The following UBAP1 variants were observed in gnomAD, a reference collection of about 807,000 sequenced individuals.
The protein encoded by UBAP1 is ubiquitin associated protein 1.
Under a neutral mutation model 39.0 loss-of-function variants are expected in UBAP1, and 5 were observed. That is an observed-to-expected ratio of 0.13 (90% CI 0.07 to 0.27). The LOEUF (loss-of-function observed/expected upper bound fraction) is 0.27. Among genes scored for constraint, UBAP1 ranks in the 10% least tolerant of loss-of-function variants. The probability of loss-of-function intolerance (pLI) is 1.00; values close to 1 mark genes in which losing one functional copy is unlikely to be tolerated. For synonymous variants in UBAP1, 211 were observed against 225.1 expected (o/e 0.94, Z 0.56); for missense variants, 490 against 608.1 (o/e 0.81, Z 2.04).
intron 2 of UBAP1, among the ~76,000 whole-genome samples, chr9:34,229,029 T>C (rs1833266767): frequency 6.6e-6 from 1 of 152,170 alleles, no homozygotes; most frequent in Admixed American, 6.6e-5. Context: ...TAAATCACCT[T>C]GGCATTGGCT....
intron 1 of UBAP1, among the ~76,000 whole-genome samples, chr9:34,199,804 T>G (rs2131531221): frequency 7.3e-6 from 1 of 136,562 alleles, no homozygotes; most frequent in South Asian, 2.3e-4. Context: ...CCTGGCTGAT[T>G]TTTTTTTTTT....
chr9:34,186,863 A>G (rs1009978145), intron 1 of UBAP1, among the ~76,000 whole-genome samples: 2 of 151,104 alleles, frequency 1.3e-5, no homozygotes, highest in African/African-American at 4.9e-5. Context: ...AATGAACTGA[A>G]TTTTTCAGTC....
At chr9:34,224,012 C>G in intron 2 of UBAP1, 1 of 485,630 alleles carries the variant, frequency 2.1e-6, no homozygotes, top group South Asian at 3.6e-5. Context: ...CTTGATTTTC[C>G]TAAGATAGAA....
intron 1 of UBAP1, among the ~76,000 whole-genome samples, chr9:34,214,784 A>G (rs1260801162): frequency 6.6e-6 from 1 of 152,090 alleles, no homozygotes; most frequent in African/African-American, 2.4e-5. Context: ...CCAACTCAGT[A>G]AGAAAAAAAC....
intron 3 of UBAP1, 24 bp from the exon 4 acceptor site, chr9:34,241,161 C>T: frequency 7.1e-7 from 1 of 1,413,422 alleles, no homozygotes; most frequent in Non-Finnish European, 9.3e-7. Flanking sequence ...GTTCACACCC[C>T]CTTCCTCTGC....
chr9:34,204,456 C>T (rs1245205024), intron 1 of UBAP1, among the ~76,000 whole-genome samples: 2 of 152,072 alleles, frequency 1.3e-5, no homozygotes, highest in Non-Finnish European at 2.9e-5. Flanking sequence ...TAAGTATACA[C>T]AGTCCACACC....
Position 34,242,059 on chromosome 9 carries a change from T to G in UBAP1, c.1034T>G (p.Val345Gly). ...LTSSQMPSLS[V>G]LSVCTEESSP... ...TCCTCCCAGATGCCTTCCCTCTCTG[T>G]TTTGTCTGTGTGCACAGAGGAATCA... is the stretch of plus-strand genomic sequence containing the variant. Residue 345 changes from valine to glycine, a missense_variant, in exon 4 of 7, where the codon GTT becomes GGT. Coordinates refer to ENST00000297661, the MANE Select transcript of UBAP1 (RefSeq NM_016525.5). 1 of 1,613,654 alleles carries G rather than the reference T, an allele frequency of 6.2e-7. No homozygotes were observed. The highest frequency in any genetic ancestry group is 8.5e-7 in the Non-Finnish European group (1 of 1,179,616).
intron 1 of UBAP1, among the ~76,000 whole-genome samples, chr9:34,182,648 TTTC>T (rs1329138001): frequency 9.7e-5 from 6 of 61,822 alleles, no homozygotes; most frequent in Middle Eastern, 7.1e-3. Flanking sequence ...TCTTTCTTTC[TTTC>T]TTTCTTTCTT....
At chr9:34,195,969 TAG>T (rs1831029298) in intron 1 of UBAP1, among the ~76,000 whole-genome samples, 1 of 112,284 alleles carries the variant, frequency 8.9e-6, no homozygotes, top group Non-Finnish European at 1.8e-5. Flanking sequence ...TTTTTTGAGA[TAG>T]AGTCTCACTA....
chr9:34,222,283 T>A (rs1439575144), intron 2 of UBAP1, among the ~76,000 whole-genome samples: 1 of 152,214 alleles, frequency 6.6e-6, no homozygotes, highest in Admixed American at 6.5e-5. Flanking sequence ...TACTTGCTTA[T>A]ATATTTTACA....
At chr9:34,226,138 TG>T (rs1475017975) in intron 2 of UBAP1, among the ~76,000 whole-genome samples, 3 of 149,438 alleles carry the variant, frequency 2.0e-5, no homozygotes, top group African/African-American at 7.4e-5. Flanking sequence ...TGTGTGTGTG[TG>T]TGTGTGTGTG....
chr9:34,219,325 G>A (rs993254050), intron 1 of UBAP1, among the ~76,000 whole-genome samples: 1 of 152,090 alleles, frequency 6.6e-6, no homozygotes, highest in African/African-American at 2.4e-5. Context: ...CTGGGCTCAA[G>A]TAATCCACCT....
intron 1 of UBAP1, among the ~76,000 whole-genome samples, chr9:34,208,413 C>A (rs1444850919): frequency 6.6e-6 from 1 of 152,124 alleles, no homozygotes; most frequent in African/African-American, 2.4e-5. Flanking sequence ...GAGGCCGAGG[C>A]AGGCAGATCA....
At chr9:34,203,059 CTG>C (rs1220256144) in intron 1 of UBAP1, among the ~76,000 whole-genome samples, 16 of 152,042 alleles carry the variant, frequency 1.1e-4, no homozygotes, top group Non-Finnish European at 1.9e-4. Flanking sequence ...TTGAAGGAAA[CTG>C]AATCACTTTT....
intron 3 of UBAP1, 24 bp downstream of exon 3, chr9:34,234,364 G>A: frequency 1.9e-6 from 3 of 1,574,004 alleles, no homozygotes; most frequent in South Asian, 2.4e-5. Context: ...TTTAGTTAAA[G>A]TTTAGTGCAT....
chr9:34,246,911 A>C (rs1056021292), intron 4 of UBAP1, among the ~76,000 whole-genome samples: 4 of 152,194 alleles, frequency 2.6e-5, no homozygotes, highest in African/African-American at 7.2e-5. Flanking sequence ...TCTAGTTTCT[A>C]CTTGGTTACA....
chr9:34,215,512 G>C (rs1248377861), intron 1 of UBAP1, among the ~76,000 whole-genome samples: 1 of 142,560 alleles, frequency 7.0e-6, no homozygotes, highest in Non-Finnish European at 1.5e-5. Flanking sequence ...GAATGATACA[G>C]TGGACTTTGG....
At position 34,179,176 on chromosome 9, in the gene UBAP1, G is replaced by A. The variant is rs1028561779; in HGVS notation, c.-72G>A. ...CTGTCGGGAGCTCAGCGGGGACCGA[G>A]CCTGGGAGGCCGGCCGGTGCCAGCA... On this transcript the variant is annotated 5_prime_UTR_variant, in exon 1 of 7. Transcript: ENST00000297661. 4.0e-6 allele frequency: 5 copies of A among 1,237,836 alleles called. No individual in the cohort carries two copies. Among genetic ancestry groups the A allele is most frequent in the African/African-American group, 1.6e-5 (1 of 64,426 alleles). The allele number at this position is 1,237,836 out of a possible 1,614,324, so 76.7% of individuals were successfully genotyped here. A position where few individuals can be genotyped will look rare whatever the true frequency, so the allele number is the denominator to read the frequency against.
At chr9:34,235,244 TAA>T (rs1279689615) in intron 3 of UBAP1, among the ~76,000 whole-genome samples, 1 of 151,920 alleles carries the variant, frequency 6.6e-6, no homozygotes. Flanking sequence ...AAAGGCACAG[TAA>T]GTTAGAGTTA....
Sources: gnomAD v4.1 joint callset for allele counts (sites outside exome capture counted in the v4.1 genomes callset) on GRCh38, gnomAD v4.1.1 for gene constraint, MANE v1.5 for transcripts, NCBI Gene and HGNC (gene_info 2026-07-23, HGNC 2026-07-21) for gene names.